ENOPH1: variants seen among roughly 807,000 people sequenced by gnomAD.
ENOPH1 encodes enolase-phosphatase E1.
In ENOPH1, 14 loss-of-function variants were observed where a neutral mutation model predicts 31.1. That is an observed-to-expected ratio of 0.45 (90% CI 0.30 to 0.70). The LOEUF is 0.70. Among genes scored for constraint, ENOPH1 ranks in the 30% least tolerant of loss-of-function variants. The pLI, the probability that ENOPH1 is intolerant of heterozygous loss-of-function variation, is 0.09. For synonymous variants in ENOPH1, 127 were observed against 123.2 expected (o/e 1.03, Z -0.21); for missense variants, 243 against 321.5 (o/e 0.76, Z 1.87).
chr4:82,459,207 G>A (rs976774026), intron 5 of ENOPH1, among the ~76,000 whole-genome samples: 2 of 152,166 alleles, frequency 1.3e-5, no homozygotes, highest in Admixed American at 1.3e-4. Context: ...TAGGCTGGGA[G>A]TATGACATGT....
chr4:82,455,198 G>A (rs1722452686), intron 4 of ENOPH1, among the ~76,000 whole-genome samples: 1 of 152,102 alleles, frequency 6.6e-6, no homozygotes, highest in African/African-American at 2.4e-5. Flanking sequence ...CATTTAAGAA[G>A]AACCAGCATT....
intron 1 of ENOPH1, among the ~76,000 whole-genome samples, chr4:82,447,302 T>C (rs1722220812): frequency 1.3e-5 from 2 of 152,326 alleles, no homozygotes; most frequent in East Asian, 1.9e-4. Flanking sequence ...CACTTTCTTA[T>C]AGGATGCTCC....
At position 82,460,711 on chromosome 4, in the gene ENOPH1, G is replaced by A. The variant is rs1349101208; in HGVS notation, c.*591G>A. 1.3e-5 allele frequency: 2 copies of A among 152,224 alleles called. No homozygotes were observed. The highest frequency in any genetic ancestry group is 1.3e-4 in the Admixed American group (2 of 15,276). The allele number at this position is 152,224 out of a possible 1,614,324, so 9.4% of individuals were successfully genotyped here. On this transcript the variant is annotated 3_prime_UTR_variant, in exon 6 of 6. Transcript: ENST00000273920. ...TGTCTTTTACTTAAGAAGAAACTTG[G>A]TAATCATTGTGGCACCCACAGCAAG... is the stretch of plus-strand genomic sequence containing the variant.
intron 1 of ENOPH1, among the ~76,000 whole-genome samples, chr4:82,442,637 A>C (rs1722070851): frequency 6.6e-6 from 1 of 152,212 alleles, no homozygotes; most frequent in East Asian, 1.9e-4. Context: ...AGAGATATGC[A>C]AAAAAGTTTC....
Position 82,460,253 on chromosome 4 carries a change from A to G in ENOPH1, c.*133A>G, listed in dbSNP as rs938264683. ...TGTATGCAAGTATGTATATATGTGT[A>G]TGCTCAGATTAACTTCCATAGGTAC... is the stretch of plus-strand genomic sequence containing the variant. On this transcript the variant is annotated 3_prime_UTR_variant, in exon 6 of 6. Transcript: ENST00000273920. The G allele has an allele frequency of 7.1e-6, 6 of 842,536 alleles. No homozygotes were observed. The highest frequency in any genetic ancestry group is 1.1e-5 in the Non-Finnish European group (6 of 551,374). The allele number at this position is 842,536 out of a possible 1,614,324, so 52.2% of individuals were successfully genotyped here.
chr4:82,459,134 A>G (rs754957806), intron 5 of ENOPH1, among the ~76,000 whole-genome samples: 3 of 152,148 alleles, frequency 2.0e-5, no homozygotes, highest in Non-Finnish European at 2.9e-5. Context: ...TATCTGTCCT[A>G]GTAAGCGCCA....
chr4:82,459,904 C>A, intron 5 of ENOPH1, 77 bp from the exon 6 acceptor site: 1 of 1,535,894 alleles, frequency 6.5e-7, no homozygotes, highest in Non-Finnish European at 8.9e-7. Context: ...CCCACATCCC[C>A]CTGCTGACTT....
rs1042312684 is a variant in ENOPH1, at chr4:82,460,951, G to A, written c.*831G>A. ...AAATCAGTCCATAACATTAAGATGA[G>A]CCCTAATATGTAAGATTTTCCTCTG... is the stretch of plus-strand genomic sequence containing the variant. On this transcript the variant is annotated 3_prime_UTR_variant, in exon 6 of 6. Coordinates refer to ENST00000273920, the MANE Select transcript of ENOPH1 (RefSeq NM_021204.5). The A allele has an allele frequency of 6.6e-6, 1 of 152,138 alleles. No homozygotes were observed. Among genetic ancestry groups the A allele is most frequent in the Admixed American group, 6.5e-5 (1 of 15,284 alleles). 9.4% of individuals were successfully genotyped at this position (152,138 alleles called of 1,614,324 possible).
chr4:82,448,181 C>T (rs1030250723), intron 2 of ENOPH1, among the ~76,000 whole-genome samples, 160 bp downstream of exon 2: 4 of 152,004 alleles, frequency 2.6e-5, no homozygotes, highest in African/African-American at 9.7e-5. Flanking sequence ...ATTCACAGTA[C>T]ATAATTAAAG....
chr4:82,430,856 A>G lies in ENOPH1; in HGVS notation c.27A>G (p.Glu9=), dbSNP rs1401810871. 6.2e-7 allele frequency: 1 copy of G among 1,614,216 alleles called. No homozygotes were observed. The highest frequency in any genetic ancestry group is 1.1e-5 in the South Asian group (1 of 91,086). MVVLSVPA[E]VTVILLDIEG... ...TGGTCGTGCTTTCGGTCCCCGCCGA[A>G]GTCACCGTGATCCTGTTAGATATCG... is the stretch of plus-strand genomic sequence containing the variant. Residue 9 remains glutamate, a synonymous_variant, in exon 1 of 6, where the codon GAA becomes GAG. Coordinates refer to ENST00000273920, the MANE Select transcript of ENOPH1 (RefSeq NM_021204.5).
At position 82,456,965 on chromosome 4, in the gene ENOPH1, A is replaced by G; in HGVS notation, c.573A>G (p.Glu191=). 1 of 1,614,094 alleles carries G rather than the reference A, an allele frequency of 6.2e-7. No homozygotes were observed. Among genetic ancestry groups the G allele is most frequent in the Non-Finnish European group, 8.5e-7 (1 of 1,179,996 alleles). ...DTKIGHKVES[E]SYRKIADSIG... The stretch of plus-strand genomic sequence containing the variant: ...AGATTGGACACAAAGTAGAGAGTGA[A>G]AGTTACCGAAAGATTGCAGACAGCA... The change falls in exon 5 of 6, where the codon GAA becomes GAG. Residue 191 remains glutamate (E), a synonymous_variant. Transcript: ENST00000273920.
At chr4:82,438,222 A>G (rs1435950686) in intron 1 of ENOPH1, among the ~76,000 whole-genome samples, 1 of 152,218 alleles carries the variant, frequency 6.6e-6, no homozygotes, top group Admixed American at 6.5e-5. Context: ...GAAGAGTATG[A>G]TATAGAGAGT....
chr4:82,456,491 G>T (rs924710661), intron 4 of ENOPH1, among the ~76,000 whole-genome samples: 11 of 152,158 alleles, frequency 7.2e-5, no homozygotes, highest in Non-Finnish European at 1.5e-4. Flanking sequence ...TAAAATAATA[G>T]CTTATTCATG....
At chr4:82,430,940 T>C in intron 1 of ENOPH1, 27 bp downstream of exon 1, 1 of 1,593,330 alleles carries the variant, frequency 6.3e-7, no homozygotes, top group Non-Finnish European at 8.6e-7. Context: ...AGCGGGGATG[T>C]TACTTTTCCT....
chr4:82,434,338 C>T (rs1463521053), intron 1 of ENOPH1, among the ~76,000 whole-genome samples: 1 of 152,132 alleles, frequency 6.6e-6, no homozygotes, highest in Non-Finnish European at 1.5e-5. Flanking sequence ...AATCCCAGCA[C>T]TTTGGGACGC....
At chr4:82,439,744 G>C (rs1044096200) in intron 1 of ENOPH1, among the ~76,000 whole-genome samples, 3 of 152,190 alleles carry the variant, frequency 2.0e-5, no homozygotes, top group African/African-American at 7.2e-5. Context: ...TTGAGTGCTT[G>C]GTGGTGGCAG....
At chr4:82,440,821 C>T (rs770904273) in intron 1 of ENOPH1, among the ~76,000 whole-genome samples, 3 of 152,174 alleles carry the variant, frequency 2.0e-5, no homozygotes, top group Non-Finnish European at 4.4e-5. Context: ...TTGATTAATT[C>T]ATTTTGAATG....
chr4:82,430,988 T>G, intron 1 of ENOPH1, 75 bp downstream of exon 1: 2 of 1,366,586 alleles, frequency 1.5e-6, no homozygotes, highest in Non-Finnish European at 2.1e-6. Context: ...ATTTCAGGCC[T>G]TGCATTGGAG....
chr4:82,458,120 C>CT lies in ENOPH1; in HGVS notation c.646+1083dup, dbSNP rs1722537012. On this transcript the variant is annotated intron_variant, in intron 5 of 5. Coordinates refer to ENST00000273920, the MANE Select transcript of ENOPH1 (RefSeq NM_021204.5). Reference sequence around the variant, plus strand: ...TCGGCAGCTGGGATGAGGCAGGGAGCTGTCTGCCTGCTTGCTCTTTTCTCT... The same window carrying CT: ...TCGGCAGCTGGGATGAGGCAGGGAGCTTGTCTGCCTGCTTGCTCTTTTCTCT... Among the ~76,000 whole-genome samples the CT allele has an allele frequency of 4.6e-5, 7 of 152,274 alleles. No homozygotes were observed. The South Asian group carries it at 1.4e-3, about 32-fold the overall frequency.
Sources: gnomAD v4.1 joint callset for allele counts (sites outside exome capture counted in the v4.1 genomes callset) on GRCh38, gnomAD v4.1.1 for gene constraint, MANE v1.5 for transcripts, NCBI Gene and HGNC (gene_info 2026-07-23, HGNC 2026-07-21) for gene names.